B3GALT1: variants seen among roughly 807,000 people sequenced by gnomAD.
The protein encoded by B3GALT1 is UDP-Gal:betaGlcNAc beta 1,3-galactosyltransferase, polypeptide 1.
B3GALT1 carries 10 observed loss-of-function variants against 23.2 expected under a neutral mutation model. The observed-to-expected ratio is 0.43, with a 90% CI of 0.27 to 0.73. B3GALT1 has a LOEUF of 0.73. Ranked by LOEUF, B3GALT1 falls within the 30% of genes least tolerant of loss-of-function variation. B3GALT1 has a pLI of 0.21. For missense variants in B3GALT1, 299 were observed against 405.4 expected, an observed-to-expected ratio of 0.74 and a Z score of 2.25; for synonymous variants, 156 against 141.5, an observed-to-expected ratio of 1.10 and a Z score of -0.73.
chr2:167,794,247 T>C (rs1383360266), intron 3 of B3GALT1, among the ~76,000 whole-genome samples: 1 of 152,248 alleles, frequency 6.6e-6, no homozygotes, highest in African/African-American at 2.4e-5. Flanking sequence ...AGCTTTATTA[T>C]CACTGAATAA....
chr2:167,571,783 G>A (rs1314676722), intron 2 of B3GALT1, among the ~76,000 whole-genome samples: 4 of 151,804 alleles, frequency 2.6e-5, no homozygotes, highest in African/African-American at 4.8e-5. Context: ...TATACATGCC[G>A]GCATGAGTTA....
chr2:167,456,799 G>A (rs1699179861), intron 1 of B3GALT1, among the ~76,000 whole-genome samples: 1 of 152,090 alleles, frequency 6.6e-6, no homozygotes, highest in Admixed American at 6.6e-5. Context: ...CCCTCTCCAG[G>A]CCCACCATCC....
At chr2:167,625,244 C>G (rs1685321598) in intron 2 of B3GALT1, among the ~76,000 whole-genome samples, 1 of 151,856 alleles carries the variant, frequency 6.6e-6, no homozygotes, top group Non-Finnish European at 1.5e-5. Context: ...ATAGACCAGT[C>G]TGCAACTCCA....
intron 1 of B3GALT1, among the ~76,000 whole-genome samples, chr2:167,400,166 CTGTGTG>C (rs149993955): frequency 1.4e-5 from 2 of 145,696 alleles, no homozygotes; most frequent in African/African-American, 2.5e-5. Flanking sequence ...ACATCTATGT[CTGTGTG>C]TGTGTGTGTG....
intron 3 of B3GALT1, among the ~76,000 whole-genome samples, chr2:167,743,365 A>G (rs1211409932): frequency 1.3e-5 from 2 of 152,144 alleles, no homozygotes; most frequent in Non-Finnish European, 2.9e-5. Context: ...TTGAGCCTCA[A>G]GAACAGCAGT....
At chr2:167,364,432 G>C (rs1286980294) in intron 1 of B3GALT1, among the ~76,000 whole-genome samples, 2 of 151,588 alleles carry the variant, frequency 1.3e-5, no homozygotes, top group African/African-American at 4.9e-5. Flanking sequence ...TGCCATGTTG[G>C]TGTGCTGCAA....
chr2:167,372,649 A>C (rs552277205), intron 1 of B3GALT1, among the ~76,000 whole-genome samples: 3 of 152,132 alleles, frequency 2.0e-5, no homozygotes, highest in Non-Finnish European at 4.4e-5. Flanking sequence ...ACAGTTGAAA[A>C]ATTAGCATAC....
At chr2:167,353,483 C>G (rs939238070) in intron 1 of B3GALT1, among the ~76,000 whole-genome samples, 15 of 150,248 alleles carry the variant, frequency 1.0e-4, no homozygotes, top group African/African-American at 3.7e-4. Context: ...ATGGCTGTTT[C>G]GTGACATTCA....
chr2:167,700,972 C>T (rs934668163), intron 3 of B3GALT1, among the ~76,000 whole-genome samples: 8 of 152,174 alleles, frequency 5.3e-5, no homozygotes, highest in Admixed American at 4.6e-4. Flanking sequence ...CACCTGCCCT[C>T]GTAATAATAG....
intron 2 of B3GALT1, among the ~76,000 whole-genome samples, chr2:167,496,287 C>T (rs1574104000): frequency 6.6e-6 from 1 of 151,982 alleles, no homozygotes; most frequent in African/African-American, 2.4e-5. Context: ...CTGAGCAGGG[C>T]CTTAAGTTCC....
chr2:167,868,851 G>A lies in B3GALT1; in HGVS notation c.-189G>A. ...TTATGAGTCATGGAACCCTCCATCAGATTTGGAAGAAAGTAGAATGAGCGC... is the reference window on the plus strand; with the variant it reads ...TTATGAGTCATGGAACCCTCCATCAAATTTGGAAGAAAGTAGAATGAGCGC... On this transcript the variant is annotated 5_prime_UTR_variant, in exon 5 of 5. Coordinates refer to ENST00000392690, the MANE Select transcript of B3GALT1 (RefSeq NM_020981.4). 1 of 606,082 alleles carries A rather than the reference G, an allele frequency of 1.6e-6. No homozygotes were observed. The highest frequency in any genetic ancestry group is 2.8e-6 in the Non-Finnish European group (1 of 361,310). 37.5% of individuals were successfully genotyped at this position (606,082 alleles called of 1,614,324 possible). A position where few individuals can be genotyped will look rare whatever the true frequency, so the allele number is the denominator to read the frequency against.
intron 4 of B3GALT1, among the ~76,000 whole-genome samples, chr2:167,862,022 AG>A (rs752099991): frequency 7.9e-5 from 12 of 152,224 alleles, no homozygotes; most frequent in Non-Finnish European, 1.6e-4. Flanking sequence ...CCCATGGTGA[AG>A]GGAAGCTCAA....
chr2:167,562,427 A>G (rs1228234609), intron 2 of B3GALT1, among the ~76,000 whole-genome samples: 1 of 152,104 alleles, frequency 6.6e-6, no homozygotes, highest in Non-Finnish European at 1.5e-5. Context: ...CACCACTCCT[A>G]TTCAACATAG....
At chr2:167,804,847 T>C (rs1368059898) in intron 3 of B3GALT1, among the ~76,000 whole-genome samples, 1 of 152,190 alleles carries the variant, frequency 6.6e-6, no homozygotes, top group Non-Finnish European at 1.5e-5. Context: ...TACCCAGTAA[T>C]GGGATTGCTG....
Position 167,315,404 on chromosome 2 carries a change from A to G in B3GALT1, c.-511+22070A>G, listed in dbSNP as rs138924742. On this transcript the variant is annotated intron_variant, in intron 1 of 4. Coordinates refer to ENST00000392690, the MANE Select transcript of B3GALT1 (RefSeq NM_020981.4). ...GGACATTTTCAGAGTGTATTAACCT[A>G]TGGCCTGTGACATATTAGGTATTTT... 3.7e-3 allele frequency among the ~76,000 whole-genome samples: 559 copies of G among 152,198 alleles called. 6 individuals carry two copies. The highest frequency in any genetic ancestry group is 0.013 in the African/African-American group (535 of 41,548).
intron 2 of B3GALT1, among the ~76,000 whole-genome samples, chr2:167,503,686 C>T (rs1425919238): frequency 6.6e-6 from 1 of 152,128 alleles, no homozygotes; most frequent in African/African-American, 2.4e-5. Context: ...ACAGCTTATT[C>T]ATTCTTCATA....
In B3GALT1 at chr2:167,719,467, A is replaced by G. The variant is rs80162075; in HGVS notation, c.-352+72501A>G. Among the ~76,000 whole-genome samples the G allele has an allele frequency of 7.1e-3, 1,078 of 152,356 alleles. 10 individuals are homozygous for G. Among genetic ancestry groups the G allele is most frequent in the African/African-American group, 0.024 (1,013 of 41,576 alleles). ...AATATAATTTAACACAAGCTTATCA[A>G]ATTTATAGAAAATAGAATTTCATGT... On this transcript the variant is annotated intron_variant, in intron 3 of 4. Coordinates refer to ENST00000392690, the MANE Select transcript of B3GALT1 (RefSeq NM_020981.4).
chr2:167,749,883 T>G (rs1436544159), intron 3 of B3GALT1, among the ~76,000 whole-genome samples: 1 of 152,234 alleles, frequency 6.6e-6, no homozygotes, highest in Non-Finnish European at 1.5e-5. Context: ...TCTCTTCTGT[T>G]TTACAGTTTG....
chr2:167,354,141 C>A (rs1214877342), intron 1 of B3GALT1, among the ~76,000 whole-genome samples: 1 of 152,092 alleles, frequency 6.6e-6, no homozygotes, highest in Admixed American at 6.5e-5. Context: ...AGAACAATAT[C>A]CTGCCCAGGT....
Sources: gnomAD v4.1 joint callset for allele counts (sites outside exome capture counted in the v4.1 genomes callset) on GRCh38, gnomAD v4.1.1 for gene constraint, MANE v1.5 for transcripts, NCBI Gene and HGNC (gene_info 2026-07-23, HGNC 2026-07-21) for gene names.